SLC35D4: variants seen among roughly 807,000 people sequenced by gnomAD.
SLC35D4 encodes the protein UDP-N-acetylglucosamine transporter SLC35D4.
chr18:23,304,572 G>GGA, the SLC35D4 span, among the ~76,000 whole-genome samples: 233 of 151,162 alleles, frequency 1.5e-3, 1 homozygote, highest in African/African-American at 5.3e-3. Flanking sequence ...AGAGAGAGAG[G>GGA]GAGAGAGAGA....
the SLC35D4 span, among the ~76,000 whole-genome samples, chr18:23,416,972 T>C: frequency 2.6e-5 from 4 of 152,194 alleles, no homozygotes; most frequent in African/African-American, 9.6e-5. Context: ...CTGGGCACAG[T>C]GGCTCATGCC....
the SLC35D4 span, among the ~76,000 whole-genome samples, chr18:23,330,172 T>C: frequency 2.6e-5 from 4 of 152,026 alleles, no homozygotes; most frequent in Admixed American, 2.6e-4. Context: ...GTTGCGCACA[T>C]GTACCCTAGA....
chr18:23,351,354 T>G, the SLC35D4 span, among the ~76,000 whole-genome samples: 1 of 151,580 alleles, frequency 6.6e-6, no homozygotes, highest in Admixed American at 6.6e-5. Context: ...TTGCAATGAG[T>G]TGAGATCATG....
chr18:23,246,558 A>ATTTTTTTTTT, the SLC35D4 span, among the ~76,000 whole-genome samples: 1 of 151,568 alleles, frequency 6.6e-6, no homozygotes, highest in African/African-American at 2.4e-5. Flanking sequence ...CACCCGGCTA[A>ATTTTTTTTTT]TTTTTTGTGT....
At chr18:23,400,691 G>C in the SLC35D4 span, among the ~76,000 whole-genome samples, 2 of 152,058 alleles carry the variant, frequency 1.3e-5, no homozygotes, top group Non-Finnish European at 2.9e-5. Context: ...TCCTAATAAT[G>C]AATAAAAATA....
At chr18:23,387,290 A>C in the SLC35D4 span, among the ~76,000 whole-genome samples, 1 of 151,964 alleles carries the variant, frequency 6.6e-6, no homozygotes, top group South Asian at 2.1e-4. Flanking sequence ...TTTTGTCATC[A>C]CTCTGGGCTC....
chr18:23,366,689 T>C, the SLC35D4 span, among the ~76,000 whole-genome samples: 8 of 152,188 alleles, frequency 5.3e-5, no homozygotes, highest in African/African-American at 1.4e-4. Context: ...AAAAAACCAC[T>C]GGGAGCCTGC....
At chr18:23,290,717 C>A in the SLC35D4 span, among the ~76,000 whole-genome samples, 1 of 151,326 alleles carries the variant, frequency 6.6e-6, no homozygotes, top group South Asian at 2.1e-4. Context: ...ACCTCCACTT[C>A]TTGGGTTCAA....
the SLC35D4 span, among the ~76,000 whole-genome samples, chr18:23,323,772 C>T: frequency 2.0e-5 from 3 of 152,162 alleles, no homozygotes; most frequent in African/African-American, 7.2e-5. Context: ...CCATGAGATT[C>T]GTGCCCTTAT....
At chr18:23,253,774 T>C in the SLC35D4 span, 1 of 1,614,178 alleles carries the variant, frequency 6.2e-7, no homozygotes, top group Non-Finnish European at 8.5e-7. Flanking sequence ...ACTGTGGCCT[T>C]GAGGAGCCCA....
At chr18:23,290,717 C>T in the SLC35D4 span, among the ~76,000 whole-genome samples, 3 of 151,326 alleles carry the variant, frequency 2.0e-5, no homozygotes, top group Non-Finnish European at 4.4e-5. Context: ...ACCTCCACTT[C>T]TTGGGTTCAA....
chr18:23,363,434 A>G, the SLC35D4 span, among the ~76,000 whole-genome samples: 23 of 111,804 alleles, frequency 2.1e-4, no homozygotes, highest in African/African-American at 6.4e-4. Context: ...GAGTGCAGTG[A>G]GGCGATCTCA....
At chr18:23,311,230 T>C in the SLC35D4 span, among the ~76,000 whole-genome samples, 3 of 151,918 alleles carry the variant, frequency 2.0e-5, no homozygotes, top group Admixed American at 6.6e-5. Context: ...GCTGGGCCTA[T>C]AGGCATACAC....
the SLC35D4 span, chr18:23,370,240 T>A: frequency 1.2e-6 from 2 of 1,611,026 alleles, no homozygotes; most frequent in South Asian, 2.2e-5. Context: ...TTTCTGGGAC[T>A]TCTGTAGAAT....
chr18:23,316,123 C>CT, the SLC35D4 span, among the ~76,000 whole-genome samples: 1 of 152,212 alleles, frequency 6.6e-6, no homozygotes, highest in East Asian at 1.9e-4. Flanking sequence ...CTCTTCTATA[C>CT]CCTCCAACTC....
At chr18:23,390,791 C>T in the SLC35D4 span, among the ~76,000 whole-genome samples, 1 of 152,166 alleles carries the variant, frequency 6.6e-6, no homozygotes, top group Non-Finnish European at 1.5e-5. Context: ...GTCAATCCTA[C>T]CTTTCTATTT....
the SLC35D4 span, among the ~76,000 whole-genome samples, chr18:23,273,564 C>T: frequency 3.9e-5 from 6 of 152,196 alleles, no homozygotes; most frequent in African/African-American, 1.4e-4. Flanking sequence ...GAGACTGGTG[C>T]TTATGAAGGT....
the SLC35D4 span, among the ~76,000 whole-genome samples, chr18:23,398,459 C>T: frequency 6.6e-6 from 1 of 152,078 alleles, no homozygotes; most frequent in Non-Finnish European, 1.5e-5. Context: ...TAAACTGAGG[C>T]GGTAAGAGCC....
chr18:23,270,211 C>T, the SLC35D4 span, among the ~76,000 whole-genome samples: 5 of 152,282 alleles, frequency 3.3e-5, no homozygotes, highest in East Asian at 9.6e-4. Flanking sequence ...CTAAAAGGGG[C>T]CAAGGTACAG....
Sources: allele counts gnomAD v4.1 joint callset (sites outside exome capture counted in the v4.1 genomes callset), GRCh38; gene constraint gnomAD v4.1.1; transcripts MANE v1.5; gene names NCBI Gene and HGNC (gene_info 2026-07-23, HGNC 2026-07-21).